Variants in PRKG1 observed in about 807,000 individuals in gnomAD.
PRKG1 encodes the protein protein kinase cGMP-dependent 1, also known as cGMP-dependent protein kinase 1.
A neutral mutation model predicts 88.1 loss-of-function variants in PRKG1; 35 were observed. The ratio of observed to expected loss-of-function variants is 0.40; its 90% CI spans 0.30 to 0.53. PRKG1 has a LOEUF of 0.53. Among genes scored for constraint, PRKG1 ranks in the 20% least tolerant of loss-of-function variants. The pLI, the probability that PRKG1 is intolerant of heterozygous loss-of-function variation, is 0.59. For missense variants in PRKG1, 540 were observed against 839.8 expected (o/e 0.64, Z 4.41); for synonymous variants, 303 against 292.5 (o/e 1.04, Z -0.37).
intron 3 of PRKG1, among the ~76,000 whole-genome samples, chr10:51,730,208 C>T (rs1472577080): frequency 1.3e-5 from 2 of 152,166 alleles, no homozygotes; most frequent in African/African-American, 4.8e-5. Context: ...AGGATGTGCC[C>T]TCAGGCGAGG....
chr10:51,154,845 A>G (rs774208380), intron 2 of PRKG1, among the ~76,000 whole-genome samples: 3 of 152,056 alleles, frequency 2.0e-5, no homozygotes, highest in Non-Finnish European at 1.5e-5. Flanking sequence ...AAAAGAGATG[A>G]AATTATAGGA....
chr10:52,072,525 C>G (rs1428168300), intron 7 of PRKG1, among the ~76,000 whole-genome samples: 1 of 152,154 alleles, frequency 6.6e-6, no homozygotes, highest in Non-Finnish European at 1.5e-5. Context: ...CGGGGCAAGT[C>G]AACTTAGCTG....
intron 12 of PRKG1, among the ~76,000 whole-genome samples, 177 bp downstream of exon 12, chr10:52,272,658 A>G (rs987779405): frequency 3.9e-5 from 6 of 152,136 alleles, no homozygotes; most frequent in African/African-American, 1.4e-4. Flanking sequence ...TTTACTGTAC[A>G]TATAACAAAA....
intron 2 of PRKG1, among the ~76,000 whole-genome samples, chr10:51,212,987 A>G (rs897252709): frequency 1.3e-5 from 2 of 152,198 alleles, no homozygotes; most frequent in African/African-American, 4.8e-5. Flanking sequence ...AGGATTATAA[A>G]TCATGCTGCT....
At chr10:51,959,077 G>T (rs958360000) in intron 5 of PRKG1, among the ~76,000 whole-genome samples, 1 of 152,064 alleles carries the variant, frequency 6.6e-6, no homozygotes, top group East Asian at 1.9e-4. Context: ...AAATCTTAAG[G>T]TTACTTAGTG....
At chr10:51,078,777 C>T (rs941846368) in intron 1 of PRKG1, among the ~76,000 whole-genome samples, 12 of 151,704 alleles carry the variant, frequency 7.9e-5, no homozygotes, top group African/African-American at 1.5e-4. Context: ...CCACCACGCC[C>T]GGCTAATTTT....
At chr10:51,691,189 C>CAA (rs924964916) in intron 3 of PRKG1, among the ~76,000 whole-genome samples, 1 of 145,222 alleles carries the variant, frequency 6.9e-6, no homozygotes, top group Non-Finnish European at 1.5e-5. Context: ...TCAAAATCCA[C>CAA]AAAAAAAAAA....
At chr10:51,976,322 A>C (rs1904039) in intron 5 of PRKG1, among the ~76,000 whole-genome samples, 14,396 of 152,056 alleles carry the variant, frequency 0.095, 1,828 homozygotes, top group African/African-American at 0.28. Context: ...TTACAGAATT[A>C]TGAATAATAG....
intron 2 of PRKG1, among the ~76,000 whole-genome samples, chr10:51,205,061 GCTC>G (rs1399157117): frequency 6.7e-6 from 1 of 148,154 alleles, no homozygotes; most frequent in Non-Finnish European, 1.5e-5. Context: ...TCAAAATATA[GCTC>G]AGATATTATC....
chr10:52,001,140 TC>T (rs1844585006), intron 5 of PRKG1, among the ~76,000 whole-genome samples: 2 of 152,024 alleles, frequency 1.3e-5, no homozygotes, highest in Non-Finnish European at 2.9e-5. Context: ...TAGCATAATG[TC>T]CTGCAGGTTC....
At chr10:51,386,874 T>G (rs1475686989) in intron 2 of PRKG1, among the ~76,000 whole-genome samples, 2 of 152,206 alleles carry the variant, frequency 1.3e-5, no homozygotes, top group Non-Finnish European at 2.9e-5. Flanking sequence ...CTTTGGAATA[T>G]TCATGTTCAT....
chr10:51,642,506 G>A (rs1839825209), intron 3 of PRKG1, among the ~76,000 whole-genome samples: 1 of 152,044 alleles, frequency 6.6e-6, no homozygotes, highest in Non-Finnish European at 1.5e-5. Context: ...CCATTTTTTG[G>A]GCAAGGACAT....
intron 2 of PRKG1, among the ~76,000 whole-genome samples, chr10:51,230,653 A>T (rs992838741): frequency 1.3e-5 from 2 of 152,176 alleles, no homozygotes; most frequent in Admixed American, 1.3e-4. Context: ...AATGGCATAA[A>T]ATAGTATTTG....
At chr10:52,038,457 A>G (rs1004242340) in intron 5 of PRKG1, among the ~76,000 whole-genome samples, 2 of 151,816 alleles carry the variant, frequency 1.3e-5, no homozygotes, top group Admixed American at 1.3e-4. Context: ...ACAGAGATAT[A>G]AGAGGTTGGG....
At chr10:51,290,839 C>G (rs1052842462) in intron 2 of PRKG1, among the ~76,000 whole-genome samples, 1 of 152,144 alleles carries the variant, frequency 6.6e-6, no homozygotes, top group East Asian at 1.9e-4. Context: ...ACTGTGTGCT[C>G]CTGAACAAGT....
intron 2 of PRKG1, among the ~76,000 whole-genome samples, chr10:51,246,430 G>A (rs1400799084): frequency 6.6e-6 from 1 of 151,910 alleles, no homozygotes; most frequent in African/African-American, 2.4e-5. Flanking sequence ...TGTAAATGAA[G>A]TTTTATTGGA....
At chr10:51,508,133 A>G (rs1841282396) in intron 3 of PRKG1, among the ~76,000 whole-genome samples, 1 of 152,148 alleles carries the variant, frequency 6.6e-6, no homozygotes, top group Admixed American at 6.6e-5. Flanking sequence ...GATACCCCAT[A>G]GAGCTAGAAC....
intron 2 of PRKG1, among the ~76,000 whole-genome samples, chr10:51,267,051 A>G (rs1589294051): frequency 6.6e-6 from 1 of 152,162 alleles, no homozygotes; most frequent in South Asian, 2.1e-4. Context: ...CACCAACTCC[A>G]CTAACCATGA....
chr10:51,720,666 A>G (rs1841991422), intron 3 of PRKG1, among the ~76,000 whole-genome samples: 2 of 152,240 alleles, frequency 1.3e-5, no homozygotes, highest in African/African-American at 4.8e-5. Context: ...GCCAGGACAC[A>G]TGGTCTTACT....
Sources: gnomAD v4.1 joint callset for allele counts (sites outside exome capture counted in the v4.1 genomes callset) on GRCh38, gnomAD v4.1.1 for gene constraint, MANE v1.5 for transcripts, NCBI Gene and HGNC (gene_info 2026-07-23, HGNC 2026-07-21) for gene names.